The following RBM14 variants were observed in gnomAD, a reference collection of about 807,000 sequenced individuals.
The protein encoded by RBM14 is RNA-binding protein 14.
RBM14 carries 5 observed loss-of-function variants against 52.8 expected under a neutral mutation model. The observed-to-expected ratio is 0.09, with a 90% CI of 0.05 to 0.20. The LOEUF (loss-of-function observed/expected upper bound fraction) is 0.20. RBM14 is among the 10% of genes least tolerant of loss of function. The probability of loss-of-function intolerance (pLI) is 1.00; values close to 1 mark genes in which losing one functional copy is unlikely to be tolerated. For synonymous variants in RBM14, 411 were observed against 401.8 expected (o/e 1.02, Z -0.28); for missense variants, 780 against 926.6 (o/e 0.84, Z 2.05).
intron 1 of RBM14, among the ~76,000 whole-genome samples, chr11:66,622,866 A>G (rs1859180034): frequency 6.6e-6 from 1 of 152,210 alleles, no homozygotes; most frequent in Non-Finnish European, 1.5e-5. Context: ...GCATCCTGGT[A>G]CTTGGATGCT....
At position 66,621,644 on chromosome 11, in the gene RBM14, C is replaced by A. The variant is rs146699463; in HGVS notation, c.338-2570C>A. On this transcript the variant is annotated intron_variant, in intron 1 of 2. Coordinates refer to ENST00000310137, the MANE Select transcript of RBM14 (RefSeq NM_006328.4). Reference sequence around the variant, plus strand: ...CGCCTGCCTCGGCCTCCCCAAAGTGCTGGGATTATGGTGTGAGTCATTGCG... The same window carrying A: ...CGCCTGCCTCGGCCTCCCCAAAGTGATGGGATTATGGTGTGAGTCATTGCG... 1.9e-3 allele frequency among the ~76,000 whole-genome samples: 294 copies of A among 152,180 alleles called. 1 individual carries two copies. The highest frequency in any genetic ancestry group is 6.6e-3 in the African/African-American group (273 of 41,520).
At chr11:66,617,462 G>T (rs1434500002) in intron 1 of RBM14, 2 of 1,026,776 alleles carry the variant, frequency 1.9e-6, no homozygotes, top group Non-Finnish European at 2.3e-6. Context: ...TCCAGACGTC[G>T]GTCAGAGCAA....
Position 66,616,823 on chromosome 11 carries a change from A to C in RBM14, c.103A>C (p.Lys35Gln). ...YGTVMSCAVM[K>Q]QFAFVHMREN... The stretch of plus-strand genomic sequence containing the variant: ...CACGGTCATGAGCTGCGCCGTCATG[A>C]AACAGTTCGCCTTCGTGCACATGCG... Residue 35 changes from lysine to glutamine, a missense_variant, in exon 1 of 3, where the codon AAA becomes CAA. Around this residue, in one of 4 missense-constraint regions of RBM14, gnomAD observed 71 missense variants for 119.2 expected, o/e 0.60. Coordinates refer to ENST00000310137, the MANE Select transcript of RBM14 (RefSeq NM_006328.4). 1.2e-6 allele frequency: 2 copies of C among 1,612,678 alleles called. No homozygotes were observed. Among genetic ancestry groups the C allele is most frequent in the Non-Finnish European group, 1.7e-6 (2 of 1,179,750 alleles).
intron 1 of RBM14, among the ~76,000 whole-genome samples, chr11:66,623,118 C>T (rs1172348007): frequency 1.3e-5 from 2 of 152,212 alleles, no homozygotes; most frequent in Non-Finnish European, 1.5e-5. Context: ...CAGGGGTAAC[C>T]TGGTTAGCAG....
rs896413308 is a variant in RBM14 at position 66,623,973 on chromosome 11, G to C, written c.338-241G>C. 38 of 747,250 alleles carry C rather than the reference G, an allele frequency of 5.1e-5. No homozygotes were observed. The African/African-American group carries it at 6.6e-4, about 13-fold the overall frequency. 46.3% of individuals were successfully genotyped at this position (747,250 alleles called of 1,614,324 possible). On this transcript the variant is annotated intron_variant, in intron 1 of 2. Coordinates refer to ENST00000310137, the MANE Select transcript of RBM14 (RefSeq NM_006328.4). ...CTTCTCTCACCAGGAAGTTGGGTGA[G>C]ATGGCAGGGTTTGTAAAGGGGAGAA...
chr11:66,628,711 C>A lies in RBM14; in HGVS notation c.*2043C>A, dbSNP rs1378745516. ...GTGGTCTGAGGGCCAAGTTAATAAG[C>A]CTACCTTTGGTTATTACCCTGGAAA... On this transcript the variant is annotated 3_prime_UTR_variant, in exon 3 of 3. Coordinates refer to ENST00000310137, the MANE Select transcript of RBM14 (RefSeq NM_006328.4). 6.6e-6 allele frequency among the ~76,000 whole-genome samples: 1 copy of A among 152,102 alleles called. No individual in the cohort carries two copies. Among genetic ancestry groups the A allele is most frequent in the Non-Finnish European group, 1.5e-5 (1 of 68,030 alleles).
chr11:66,625,135 A>C lies in RBM14; in HGVS notation c.1259A>C (p.Gln420Pro), dbSNP rs759303672. Residue 420 changes from glutamine (Q) to proline (P), a missense_variant, in exon 2 of 3, where the codon CAG becomes CCG. Physicochemically the swap from Gln to Pro is moderately conservative, Grantham distance 76 (BLOSUM62 -1). Transcript: ENST00000310137. This position sits in a 1 kb window ranked among gnomAD's most constrained non-coding sequence, Gnocchi z 4.2. ...YNAQSAPYAAQQAASYSSQPA... is the reference protein window; with the variant it reads ...YNAQSAPYAAPQAASYSSQPA... ...GCCCAGTCTGCCCCATATGCTGCAC[A>C]GCAGGCTGCTTCCTACTCTTCCCAA... 114 of 1,613,012 alleles carry C rather than the reference A, an allele frequency of 7.1e-5. 3 individuals carry two copies. The South Asian group carries it at 1.3e-3, about 18-fold the overall frequency.
intron 1 of RBM14, 37 bp downstream of exon 1, chr11:66,617,094 C>A: frequency 1.9e-6 from 3 of 1,546,540 alleles, no homozygotes; most frequent in South Asian, 2.4e-5. Flanking sequence ...GGGGCGCGCT[C>A]GGGGCACTCT....
At position 66,616,804 on chromosome 11, in the gene RBM14, C is replaced by A. The variant is rs766362050; in HGVS notation, c.84C>A (p.Val28=). 1.7e-5 allele frequency: 28 copies of A among 1,612,578 alleles called. No individual in the cohort carries two copies. In the East Asian group the frequency reaches 2.7e-4, roughly 15 times the overall value. ...LAALFAPYGT[V]MSCAVMKQFA... is the part of the protein sequence containing the mutation. ...CCCTCTTTGCGCCCTACGGCACGGTCATGAGCTGCGCCGTCATGAAACAGT... is the reference window on the plus strand; with the variant it reads ...CCCTCTTTGCGCCCTACGGCACGGTAATGAGCTGCGCCGTCATGAAACAGT... The change falls in exon 1 of 3, where the codon GTC becomes GTA. Residue 28 remains valine, a synonymous_variant. Transcript: ENST00000310137.
rs1002950362 is a variant in RBM14 at position 66,616,650 on chromosome 11, G to T, written c.-71G>T. 2.0e-6 allele frequency: 3 copies of T among 1,493,696 alleles called. No individual in the cohort carries two copies. The Admixed American group carries it at 7.1e-5, about 35-fold the overall frequency. The allele number at this position is 1,493,696 out of a possible 1,614,324, so 92.5% of individuals were successfully genotyped here. A position where few individuals can be genotyped will look rare whatever the true frequency, so the allele number is the denominator to read the frequency against. ...CAGCCATTCCTGAGGAGGACTGCCGGTCGTTCGGACGTCTTGCCTGTCGCT... is the reference window on the plus strand; with the variant it reads ...CAGCCATTCCTGAGGAGGACTGCCGTTCGTTCGGACGTCTTGCCTGTCGCT... On this transcript the variant is annotated 5_prime_UTR_variant, in exon 1 of 3. Coordinates refer to ENST00000310137, the MANE Select transcript of RBM14 (RefSeq NM_006328.4).
intron 1 of RBM14, among the ~76,000 whole-genome samples, chr11:66,619,856 G>T (rs559061340): frequency 8.5e-5 from 13 of 152,236 alleles, no homozygotes; most frequent in African/African-American, 2.9e-4. Flanking sequence ...GCAAGCCACC[G>T]CGCCTAGCCC....
Position 66,625,688 on chromosome 11 carries a change from GC to G in RBM14, c.1802+17del, listed in dbSNP as rs771220577. 3.8e-5 allele frequency: 60 copies of G among 1,564,994 alleles called. No homozygotes were observed. Among genetic ancestry groups the G allele is most frequent in the Admixed American group, 2.1e-4 (12 of 57,014 alleles). ...TCGCCATGTCGAAAAGGTACTGTAT[GC>G]CCCCCCGCCTCTGCCCCCAGCTGGG... is the stretch of plus-strand genomic sequence containing the variant. On this transcript the variant is annotated intron_variant, in intron 2 of 2. Transcript: ENST00000310137. This position sits in a 1 kb window ranked among gnomAD's most constrained non-coding sequence, Gnocchi z 4.2.
intron 1 of RBM14, among the ~76,000 whole-genome samples, chr11:66,622,107 G>C (rs894121988): frequency 6.6e-6 from 1 of 151,346 alleles, no homozygotes; most frequent in Non-Finnish European, 1.5e-5. Context: ...GTAGAGACGT[G>C]GTTTCACCAT....
At chr11:66,618,376 C>G in intron 1 of RBM14, 1 of 640,354 alleles carries the variant, frequency 1.6e-6, no homozygotes, top group Non-Finnish European at 2.9e-6. Flanking sequence ...CCTGGAAAGG[C>G]ACATGTTTGG....
chr11:66,626,249 C>A (rs535517376), intron 2 of RBM14, among the ~76,000 whole-genome samples: 1 of 152,308 alleles, frequency 6.6e-6, no homozygotes, highest in Admixed American at 6.5e-5. Flanking sequence ...GAGGGGAGGA[C>A]TTCAGTGGAG....
At position 66,629,762 on chromosome 11, in the gene RBM14, A is replaced by G. The variant is rs1937973828; in HGVS notation, c.*3094A>G. On this transcript the variant is annotated 3_prime_UTR_variant, in exon 3 of 3. Transcript: ENST00000310137. ...AAACTGGGTTTTATGTCTAGATTTA[A>G]ATCATGTATCTGTCTGTAGTGCTTC... Among the ~76,000 whole-genome samples, 1 of 152,082 alleles carries G rather than the reference A, an allele frequency of 6.6e-6. No individual in the cohort carries two copies. Among genetic ancestry groups the G allele is most frequent in the African/African-American group, 2.4e-5 (1 of 41,402 alleles).
At chr11:66,626,074 C>CT (rs1937791440) in intron 2 of RBM14, among the ~76,000 whole-genome samples, 1 of 152,230 alleles carries the variant, frequency 6.6e-6, no homozygotes, top group Non-Finnish European at 1.5e-5. Context: ...CATTCACTGG[C>CT]TAAAGGCAAG....
rs1471766891 is a variant in RBM14, at chr11:66,629,293, G to A, written c.*2625G>A. Among the ~76,000 whole-genome samples, 2 of 152,184 alleles carry A rather than the reference G, an allele frequency of 1.3e-5. No homozygotes were observed. The highest frequency in any genetic ancestry group is 2.9e-5 in the Non-Finnish European group (2 of 68,044). ...CTCCACCTATCACCTCTACAACTTG[G>A]CCTTCATTGGAGAAGTTTTAGTTGG... On this transcript the variant is annotated 3_prime_UTR_variant, in exon 3 of 3. Transcript: ENST00000310137.
At chr11:66,617,608 G>A (rs1226135477) in intron 1 of RBM14, 1 of 975,954 alleles carries the variant, frequency 1.0e-6, no homozygotes, top group Admixed American at 6.0e-5. Flanking sequence ...TCTGGCATGG[G>A]TCTACTCATG....
Sources: allele counts gnomAD v4.1 joint callset (sites outside exome capture counted in the v4.1 genomes callset), GRCh38; gene constraint gnomAD v4.1.1; regional missense constraint gnomAD v4.1.1; non-coding constraint Gnocchi (gnomAD v3.1); transcripts MANE v1.5; gene names NCBI Gene and HGNC (gene_info 2026-07-23, HGNC 2026-07-21).